Variants in NEDD4 observed in about 807,000 individuals in gnomAD.
NEDD4 encodes E3 ubiquitin-protein ligase NEDD4.
NEDD4 carries 99 observed loss-of-function variants against 144.9 expected under a neutral mutation model. That is an observed-to-expected ratio of 0.68 (90% CI 0.58 to 0.81). The LOEUF is 0.81. NEDD4 is among the 30% of genes least tolerant of loss of function. NEDD4 has a pLI of 0.00. For missense variants in NEDD4, 985 were observed against 1,065.9 expected, an observed-to-expected ratio of 0.92 and a Z score of 1.06; for synonymous variants, 318 against 350.6, an observed-to-expected ratio of 0.91 and a Z score of 1.04.
At chr15:55,953,972 G>A (rs570961245) in intron 2 of NEDD4, among the ~76,000 whole-genome samples, 20 of 152,174 alleles carry the variant, frequency 1.3e-4, no homozygotes, top group African/African-American at 3.6e-4. Flanking sequence ...CTCCTGCCTC[G>A]GCCTCCCAGC....
At chr15:55,830,894 T>TG (rs1272509828) in intron 27 of NEDD4, among the ~76,000 whole-genome samples, 12 of 152,066 alleles carry the variant, frequency 7.9e-5, no homozygotes, top group Admixed American at 1.3e-4. Flanking sequence ...TTTGTAGAGA[T>TG]GGGGGTCTCA....
At chr15:55,978,985 T>C (rs2037750773) in intron 1 of NEDD4, among the ~76,000 whole-genome samples, 1 of 150,770 alleles carries the variant, frequency 6.6e-6, no homozygotes, top group African/African-American at 2.4e-5. Flanking sequence ...TTCTCACAAG[T>C]CTTGAGAGAT....
intron 1 of NEDD4, among the ~76,000 whole-genome samples, chr15:55,976,396 T>C (rs770380647): frequency 5.9e-5 from 9 of 152,158 alleles, no homozygotes; most frequent in Non-Finnish European, 1.2e-4. Flanking sequence ...AATAATCTGA[T>C]ATTAAAATGG....
At position 55,838,533 on chromosome 15, in the gene NEDD4, G is replaced by A. The variant is rs1436954824; in HGVS notation, c.2103C>T (p.Ile701=). The A allele has an allele frequency of 6.2e-7, 1 of 1,612,456 alleles. No homozygotes were observed. The highest frequency in any genetic ancestry group is 8.5e-7 in the Non-Finnish European group (1 of 1,179,118). ...NDPTELDLRF[I]IDEELFGQTH... ...CCTGTCCAAAAAGTTCTTCATCTAT[G>A]ATAAACCTGAGGTCCAATTCTGTTG... The change falls in exon 22 of 29, where the codon ATC becomes ATT. Residue 701 remains isoleucine, a synonymous_variant. Coordinates refer to ENST00000435532, the MANE Select transcript of NEDD4 (RefSeq NM_006154.4).
At chr15:55,985,485 T>C (rs1244245183) in intron 1 of NEDD4, among the ~76,000 whole-genome samples, 1 of 152,124 alleles carries the variant, frequency 6.6e-6, no homozygotes, top group Non-Finnish European at 1.5e-5. Context: ...CATCCAAGGA[T>C]GTGAAGAGCT....
rs78921563 is a variant in NEDD4 at position 55,957,434 on chromosome 15, G to T, written c.120-5845C>A. Among the ~76,000 whole-genome samples the T allele has an allele frequency of 2.0e-3, 312 of 152,312 alleles. 1 individual carries two copies. The highest frequency in any genetic ancestry group is 7.3e-3 in the African/African-American group (304 of 41,576). On this transcript the variant is annotated intron_variant, in intron 2 of 28. Coordinates refer to ENST00000435532, the MANE Select transcript of NEDD4 (RefSeq NM_006154.4). ...TGGTTAGCTACTGGGTTTTTTCATAGATACCCCTGATGAGGTTTAGGACAT... is the reference window on the plus strand; with the variant it reads ...TGGTTAGCTACTGGGTTTTTTCATATATACCCCTGATGAGGTTTAGGACAT...
chr15:55,906,289 C>G (rs1191697681), intron 5 of NEDD4, among the ~76,000 whole-genome samples: 1 of 152,216 alleles, frequency 6.6e-6, no homozygotes, highest in East Asian at 1.9e-4. Context: ...TGGGTATATA[C>G]CCAAAGGATT....
intron 5 of NEDD4, chr15:55,916,625 T>G: frequency 6.2e-7 from 1 of 1,614,070 alleles, no homozygotes; most frequent in Non-Finnish European, 8.5e-7. Flanking sequence ...ATGATCTTTC[T>G]TGAGACTGAA....
At chr15:55,874,088 T>C in intron 5 of NEDD4, 80 bp from the exon 6 acceptor site, 1 of 746,936 alleles carries the variant, frequency 1.3e-6, no homozygotes, top group Non-Finnish European at 2.2e-6. Context: ...GTGCCACCAT[T>C]CACAGAAAAT....
chr15:55,992,464 C>G (rs779541215), intron 1 of NEDD4, among the ~76,000 whole-genome samples: 42 of 152,180 alleles, frequency 2.8e-4, no homozygotes, highest in Non-Finnish European at 3.5e-4. Context: ...TATTACAATA[C>G]TTAAGCAAGC....
intron 1 of NEDD4, among the ~76,000 whole-genome samples, chr15:55,979,509 G>A (rs1036240481): frequency 1.0e-4 from 15 of 150,078 alleles, no homozygotes; most frequent in African/African-American, 2.9e-4. Flanking sequence ...GCCCGCCACC[G>A]CGCCCGGCTA....
chr15:55,899,448 TATA>T (rs1178235263), intron 5 of NEDD4, among the ~76,000 whole-genome samples: 1 of 152,210 alleles, frequency 6.6e-6, no homozygotes, highest in Non-Finnish European at 1.5e-5. Context: ...TACTGAAGAC[TATA>T]ACATATCAAT....
chr15:55,957,914 C>G (rs2037364328), intron 2 of NEDD4, among the ~76,000 whole-genome samples: 1 of 152,078 alleles, frequency 6.6e-6, no homozygotes, highest in African/African-American at 2.4e-5. Flanking sequence ...TAGGTGGGAA[C>G]TGAACAATAA....
intron 11 of NEDD4, among the ~76,000 whole-genome samples, chr15:55,857,003 G>A (rs1473486320): frequency 1.3e-5 from 2 of 152,152 alleles, no homozygotes; most frequent in Non-Finnish European, 2.9e-5. Context: ...TTGTACAATG[G>A]AATATGCCAG....
At chr15:55,983,202 T>G (rs2037831784) in intron 1 of NEDD4, among the ~76,000 whole-genome samples, 1 of 151,696 alleles carries the variant, frequency 6.6e-6, no homozygotes, top group African/African-American at 2.4e-5. Flanking sequence ...CAAGAAGAAA[T>G]AAAGAAATAA....
At chr15:55,897,039 T>C (rs1201391228) in intron 5 of NEDD4, among the ~76,000 whole-genome samples, 5 of 152,122 alleles carry the variant, frequency 3.3e-5, no homozygotes, top group African/African-American at 1.2e-4. Flanking sequence ...AGTGGCACAA[T>C]CTTGGCTCAC....
chr15:55,911,582 T>G (rs1001297463), intron 5 of NEDD4, among the ~76,000 whole-genome samples: 1 of 151,624 alleles, frequency 6.6e-6, no homozygotes, highest in Non-Finnish European at 1.5e-5. Context: ...CAGGCTGGAG[T>G]GCAGTGGCGC....
chr15:55,969,416 T>C (rs2037571233), intron 1 of NEDD4, among the ~76,000 whole-genome samples: 1 of 151,940 alleles, frequency 6.6e-6, no homozygotes, highest in Non-Finnish European at 1.5e-5. Context: ...TTGGAGCCAG[T>C]AGATTTGGGA....
chr15:55,934,066 C>G (rs189926164), intron 4 of NEDD4, among the ~76,000 whole-genome samples: 3 of 152,200 alleles, frequency 2.0e-5, no homozygotes, highest in East Asian at 1.9e-4. Context: ...GACAGGAGAA[C>G]AGCTTGAACC....
Sources: gnomAD v4.1 joint callset for allele counts (sites outside exome capture counted in the v4.1 genomes callset) on GRCh38, gnomAD v4.1.1 for gene constraint, MANE v1.5 for transcripts, NCBI Gene and HGNC (gene_info 2026-07-23, HGNC 2026-07-21) for gene names.